SLC6A12: variants seen among roughly 807,000 people sequenced by gnomAD.
The protein encoded by SLC6A12 is solute carrier family 6 member 12.
SLC6A12 carries 50 observed loss-of-function variants against 73.3 expected under a neutral mutation model. The observed-to-expected ratio is 0.68, with a 90% confidence interval of 0.54 to 0.86. SLC6A12 has a LOEUF of 0.86. Ranked by LOEUF, SLC6A12 falls within the 40% of genes least tolerant of loss-of-function variation. SLC6A12 has a pLI of 0.00. For missense variants in SLC6A12, 648 were observed against 772.8 expected, an observed-to-expected ratio of 0.84 and a Z score of 1.92; for synonymous variants, 304 against 309.2, an observed-to-expected ratio of 0.98 and a Z score of 0.18.
At chr12:193,464 C>T (rs1386643108) in intron 13 of SLC6A12, 87 bp from the exon 14 acceptor site, 12 of 987,904 alleles carry the variant, frequency 1.2e-5, no homozygotes, top group Non-Finnish European at 1.9e-5. Flanking sequence ...TGGCTCTGTG[C>T]CCTTCCCTCA....
chr12:187,423 C>A (rs781253481), downstream of SLC6A12, among the ~76,000 whole-genome samples: 1 of 151,776 alleles, frequency 6.6e-6, no homozygotes, highest in South Asian at 2.1e-4. Context: ...GCGATGAGTG[C>A]TACAACTCTG....
chr12:204,454 TG>T, intron 4 of SLC6A12, 109 bp downstream of exon 4: 2 of 1,087,774 alleles, frequency 1.8e-6, no homozygotes, highest in Non-Finnish European at 1.4e-6. Context: ...GCGCAGGATA[TG>T]GGAGTGAGCG....
downstream of SLC6A12, among the ~76,000 whole-genome samples, chr12:186,189 G>A (rs1302614874): frequency 2.0e-5 from 3 of 152,120 alleles, no homozygotes; most frequent in Admixed American, 6.5e-5. Flanking sequence ...GACTCTCAAA[G>A]AGGGTGACTC....
intron 10 of SLC6A12, among the ~76,000 whole-genome samples, chr12:197,137 CCA>C (rs1939926997): frequency 9.0e-6 from 1 of 110,624 alleles, no homozygotes; most frequent in Non-Finnish European, 1.9e-5. Context: ...ATCCATCCAT[CCA>C]TCCATCCATC....
chr12:192,750 A>G (rs1000929911), intron 14 of SLC6A12, 102 bp from the exon 15 acceptor site: 40 of 1,087,266 alleles, frequency 3.7e-5, no homozygotes, highest in Non-Finnish European at 5.3e-5. Flanking sequence ...GGTGCACTGC[A>G]GCACGTCTGT....
At chr12:204,464 C>A in intron 4 of SLC6A12, 100 bp downstream of exon 4, 1 of 1,172,834 alleles carries the variant, frequency 8.5e-7, no homozygotes, top group Admixed American at 1.7e-5. Context: ...TGGGAGTGAG[C>A]GGATGGGTGA....
chr12:203,534 G>A (rs1282860618), intron 4 of SLC6A12: 1 of 152,122 alleles, frequency 6.6e-6, no homozygotes, highest in Non-Finnish European at 1.5e-5. Flanking sequence ...CTGCGCGGGA[G>A]GGACCCGCAG....
At chr12:196,928 G>T in intron 10 of SLC6A12, 46 bp from the exon 11 acceptor site, 2 of 1,398,364 alleles carry the variant, frequency 1.4e-6, no homozygotes, top group Non-Finnish European at 2.0e-6. Flanking sequence ...GGCGTGTGCT[G>T]CCCTTGGGGA....
rs1939655921 is a variant in SLC6A12, at chr12:192,655, G to C, written c.1531-7C>G. On this transcript the variant is annotated splice_region_variant and splice_polypyrimidine_tract_variant and intron_variant, in intron 14 of 15. Coordinates refer to ENST00000684302, the MANE Select transcript of SLC6A12 (RefSeq NM_001122848.3). ...AGGAGAAGAGGAAAGTGGCCTGGGA[G>C]AAGGAAGGGGCAGCCATGGGTAAGA... is the stretch of plus-strand genomic sequence containing the variant. The C allele has an allele frequency of 3.7e-6, 6 of 1,613,986 alleles. No individual in the cohort carries two copies. The highest frequency in any genetic ancestry group is 5.1e-6 in the Non-Finnish European group (6 of 1,179,890).
At chr12:193,166 C>A in intron 14 of SLC6A12, 111 bp downstream of exon 14, 1 of 777,088 alleles carries the variant, frequency 1.3e-6, no homozygotes. Context: ...CCAGGCCCCA[C>A]GGGAGACTGG....
At chr12:185,206 G>C (rs957790564), downstream of SLC6A12, among the ~76,000 whole-genome samples, 1 of 152,234 alleles carries the variant, frequency 6.6e-6, no homozygotes, top group Non-Finnish European at 1.5e-5. Flanking sequence ...CCAGGTCTCC[G>C]GACAGCTGGC....
In SLC6A12 at chr12:198,711, G is replaced by C. The variant is rs1404439893; in HGVS notation, c.846+86C>G. ...TGGGCATTTATTGCTTTTAAACCAAGGAAAAAGCTATACAAGACTTTCAAA... is the reference window on the plus strand; with the variant it reads ...TGGGCATTTATTGCTTTTAAACCAACGAAAAAGCTATACAAGACTTTCAAA... On this transcript the variant is annotated intron_variant, in intron 8 of 15. Coordinates refer to ENST00000684302, the MANE Select transcript of SLC6A12 (RefSeq NM_001122848.3). This position sits in a 1 kb window ranked among gnomAD's most constrained non-coding sequence, Gnocchi z 4.0. The C allele has an allele frequency of 1.7e-6, 2 of 1,201,332 alleles. No homozygotes were observed. The highest frequency in any genetic ancestry group is 1.5e-5 in the African/African-American group (1 of 65,568). The allele number at this position is 1,201,332 out of a possible 1,614,324, so 74.4% of individuals were successfully genotyped here. A position where few individuals can be genotyped will look rare whatever the true frequency, so the allele number is the denominator to read the frequency against.
downstream of SLC6A12, among the ~76,000 whole-genome samples, chr12:186,513 G>A (rs902091228): frequency 1.3e-5 from 2 of 152,218 alleles, no homozygotes; most frequent in African/African-American, 2.4e-5. Context: ...CAGTGCCTCT[G>A]TAAGGCTGTA....
intron 7 of SLC6A12, among the ~76,000 whole-genome samples, chr12:200,254 GCC>G (rs1565471987): frequency 2.0e-4 from 30 of 150,374 alleles, no homozygotes; most frequent in African/African-American, 6.4e-4. Flanking sequence ...GACTACAGGT[GCC>G]CACCACCACG....
At chr12:191,499 A>G (rs1939596811) in intron 15 of SLC6A12, among the ~76,000 whole-genome samples, 1 of 152,266 alleles carries the variant, frequency 6.6e-6, no homozygotes, top group African/African-American at 2.4e-5. Context: ...TCTTACCTGT[A>G]AATTGAGAAT....
At chr12:205,923 CT>C (rs1242141531) in intron 3 of SLC6A12, among the ~76,000 whole-genome samples, 1 of 152,190 alleles carries the variant, frequency 6.6e-6, no homozygotes, top group Non-Finnish European at 1.5e-5. Context: ...TATCATTGGA[CT>C]TTTGGTCATT....
intron 13 of SLC6A12, among the ~76,000 whole-genome samples, chr12:195,016 G>A (rs1349439156): frequency 6.6e-6 from 1 of 152,196 alleles, no homozygotes; most frequent in South Asian, 2.1e-4. Context: ...AATCCATTTT[G>A]TCATCATTAC....
At chr12:206,318 A>C (rs1448776585) in intron 3 of SLC6A12, among the ~76,000 whole-genome samples, 1 of 152,184 alleles carries the variant, frequency 6.6e-6, no homozygotes, top group African/African-American at 2.4e-5. Context: ...ACCTTATGAA[A>C]GTGTAATTAT....
At chr12:195,665 GC>G (rs1302491789) in intron 12 of SLC6A12, among the ~76,000 whole-genome samples, 1 of 152,116 alleles carries the variant, frequency 6.6e-6, no homozygotes, top group African/African-American at 2.4e-5. Context: ...AAGAGTCATA[GC>G]CTGGACATTT....
Sources: gnomAD v4.1 joint callset for allele counts (sites outside exome capture counted in the v4.1 genomes callset) on GRCh38, gnomAD v4.1.1 for gene constraint, Gnocchi (gnomAD v3.1) non-coding constraint, MANE v1.5 for transcripts, NCBI Gene and HGNC (gene_info 2026-07-23, HGNC 2026-07-21) for gene names.